GFPT1: variants seen among roughly 807,000 people sequenced by gnomAD.
GFPT1 encodes glutamine--fructose-6-phosphate aminotransferase [isomerizing] 1.
In GFPT1, 40 loss-of-function variants were observed where a neutral mutation model predicts 92.0. That is an observed-to-expected ratio of 0.43 (90% CI 0.34 to 0.57). The LOEUF is 0.57. Ranked by LOEUF, GFPT1 falls within the 20% of genes least tolerant of loss-of-function variation. The pLI is 0.02. For synonymous variants in GFPT1, 269 were observed against 280.6 expected (o/e 0.96, Z 0.41); for missense variants, 448 against 869.1 (o/e 0.52, Z 6.09).
intron 13 of GFPT1, among the ~76,000 whole-genome samples, chr2:69,339,059 C>T (rs1670871721): frequency 6.6e-6 from 1 of 152,204 alleles, no homozygotes; most frequent in South Asian, 2.1e-4. Context: ...GCTGGGATTA[C>T]AGGCATGAGC....
Position 69,356,285 on chromosome 2 carries a change from C to T in GFPT1, c.605+211G>A, listed in dbSNP as rs546385143. ...CTAGGATTACAGGTGTGAGCCACAG[C>T]GCCCGGCCTGTATTTGCTTTCTTCA... On this transcript the variant is annotated intron_variant, in intron 7 of 19. Transcript: ENST00000357308. Among the ~76,000 whole-genome samples the T allele has an allele frequency of 3.3e-5, 5 of 152,214 alleles. No homozygotes were observed. The South Asian group carries it at 8.3e-4, about 25-fold the overall frequency.
chr2:69,370,018 A>G lies in GFPT1; in HGVS notation c.206T>C (p.Leu69Pro). 6.3e-7 allele frequency: 1 copy of G among 1,584,346 alleles called. No individual in the cohort carries two copies. The highest frequency in any genetic ancestry group is 8.7e-7 in the Non-Finnish European group (1 of 1,152,866). Residue 69 changes from leucine (L) to proline (P), a missense_variant, in exon 3 of 20, where the codon CTG (leucine) becomes CCG (proline). Leu to Pro is a moderately conservative substitution (Grantham distance 98). This residue lies in a region of GFPT1 where 72 missense variants were observed against 95.1 expected (regional missense o/e 0.76). Coordinates refer to ENST00000357308, the MANE Select transcript of GFPT1 (RefSeq NM_001244710.2). ...LIKKKGKVKA[L>P]DEEVHKQQDM... ...TACGTTACTGTGAACTTCTTCATCC[A>G]GTGCCTTAACTTTTCCTTTCTTCTT...
chr2:69,326,865 A>G, intron 19 of GFPT1, 49 bp downstream of exon 19: 1 of 1,555,660 alleles, frequency 6.4e-7, no homozygotes, highest in South Asian at 1.1e-5. Context: ...ATCAGAATGT[A>G]TCCAGGTAAA....
At position 69,321,465 on chromosome 2, in the gene GFPT1, T is replaced by C. The variant is rs189919589; in HGVS notation, c.*4724A>G. The C allele has an allele frequency of 6.6e-6, 1 of 152,370 alleles. No homozygotes were observed. The highest frequency in any genetic ancestry group is 6.5e-5 in the Admixed American group (1 of 15,304). The allele number at this position is 152,370 out of a possible 1,614,324, so 9.4% of individuals were successfully genotyped here. On this transcript the variant is annotated 3_prime_UTR_variant, in exon 20 of 20. Coordinates refer to ENST00000357308, the MANE Select transcript of GFPT1 (RefSeq NM_001244710.2). ...TCTTAGTACAATACAATTTCTAACA[T>C]AACTACAAATGTGTATACACTTCAA... is the stretch of plus-strand genomic sequence containing the variant.
At chr2:69,362,062 T>G (rs765704987) in intron 4 of GFPT1, among the ~76,000 whole-genome samples, 1 of 152,218 alleles carries the variant, frequency 6.6e-6, no homozygotes, top group Non-Finnish European at 1.5e-5. Context: ...TGCTTATTTT[T>G]TTTAAATGAA....
At chr2:69,336,352 AAAAAG>A (rs1213717456) in intron 15 of GFPT1, among the ~76,000 whole-genome samples, 4 of 149,830 alleles carry the variant, frequency 2.7e-5, no homozygotes, top group Non-Finnish European at 3.0e-5. Flanking sequence ...AAAAAAAAAA[AAAAAG>A]AAAAAGAAAA....
intron 3 of GFPT1, among the ~76,000 whole-genome samples, chr2:69,366,395 C>T (rs762339113): frequency 3.9e-5 from 6 of 152,122 alleles, no homozygotes; most frequent in Non-Finnish European, 7.4e-5. Flanking sequence ...TTGTCTGTTA[C>T]CCATTTTAAA....
In GFPT1 at chr2:69,326,096, T is replaced by A; in HGVS notation, c.*93A>T. 1.3e-6 allele frequency: 1 copy of A among 784,178 alleles called. No homozygotes were observed. The allele number at this position is 784,178 out of a possible 1,614,324, so 48.6% of individuals were successfully genotyped here. On this transcript the variant is annotated 3_prime_UTR_variant, in exon 20 of 20. Transcript: ENST00000357308. ...AATAAGGATTTACTAAAAAAAGGCT[T>A]CAAGGGGTGATATTTTAAATCAAGG...
intron 15 of GFPT1, among the ~76,000 whole-genome samples, chr2:69,330,536 T>C (rs1361406300): frequency 8.0e-5 from 12 of 150,484 alleles, no homozygotes; most frequent in African/African-American, 2.0e-4. Context: ...CCTTTGCCTA[T>C]TGCCTGTTCC....
chr2:69,354,279 C>T lies in GFPT1; in HGVS notation c.719G>A (p.Trp240Ter), dbSNP rs1574066341. The T allele has an allele frequency of 1.3e-6, 2 of 1,592,024 alleles. No homozygotes were observed. Among genetic ancestry groups the T allele is most frequent in the African/African-American group, 1.3e-5 (1 of 74,788 alleles). ...RTQIGSKFTR[W>*]GSQGERGKDK... ...CCCACCTCTTTCTCCCTGTGATCCC[C>T]ACCGTGTGAATTTTGATCCAATCTG... The change falls in exon 9 of 20, where the codon TGG becomes TAG. Residue 240 changes from tryptophan (W) to a stop codon, truncating the protein, a stop_gained. Coordinates refer to ENST00000357308, the MANE Select transcript of GFPT1 (RefSeq NM_001244710.2). LOFTEE classifies it high-confidence loss of function.
chr2:69,373,078 G>T (rs564054446), intron 2 of GFPT1, among the ~76,000 whole-genome samples: 20 of 152,208 alleles, frequency 1.3e-4, no homozygotes, highest in Non-Finnish European at 2.4e-4. Context: ...TGATCCACTG[G>T]TGAGCAGCTT....
chr2:69,368,024 G>C (rs1671651903), intron 3 of GFPT1, among the ~76,000 whole-genome samples: 1 of 152,218 alleles, frequency 6.6e-6, no homozygotes. Context: ...CAAAGAGGGT[G>C]GATCGCCTGA....
chr2:69,355,365 ACCACG>A (rs1410811810), intron 7 of GFPT1, among the ~76,000 whole-genome samples: 1 of 151,870 alleles, frequency 6.6e-6, no homozygotes, highest in Non-Finnish European at 1.5e-5. Flanking sequence ...GGCATGAGTC[ACCACG>A]CCCAGCCTAA....
At chr2:69,347,197 C>G (rs1345146284) in intron 11 of GFPT1, among the ~76,000 whole-genome samples, 1 of 151,522 alleles carries the variant, frequency 6.6e-6, no homozygotes, top group Admixed American at 6.6e-5. Flanking sequence ...AGGTGTGAGC[C>G]AGTGCACCTG....
intron 9 of GFPT1, among the ~76,000 whole-genome samples, chr2:69,350,905 C>CA (rs796406578): frequency 0.014 from 1,084 of 78,182 alleles, 10 homozygotes; most frequent in Admixed American, 0.025. Flanking sequence ...AACTCTGTCT[C>CA]AAAAAAAAAA....
At chr2:69,337,134 G>A (rs867629778) in intron 15 of GFPT1, among the ~76,000 whole-genome samples, 9 of 140,086 alleles carry the variant, frequency 6.4e-5, no homozygotes, top group African/African-American at 1.4e-4. Context: ...GCACAATCTC[G>A]CTTCACTGCA....
chr2:69,337,743 T>C (rs1166697020), intron 15 of GFPT1, among the ~76,000 whole-genome samples, 155 bp downstream of exon 15: 1 of 152,200 alleles, frequency 6.6e-6, no homozygotes, highest in Non-Finnish European at 1.5e-5. Flanking sequence ...TTACAATGAT[T>C]AGTAAAATGT....
intron 17 of GFPT1, 102 bp from the exon 18 acceptor site, chr2:69,328,540 T>C (rs1670585236): frequency 1.3e-6 from 1 of 770,750 alleles, no homozygotes; most frequent in South Asian, 1.5e-5. Flanking sequence ...ACTGTCTATC[T>C]ATCCAAAAGT....
chr2:69,362,341 G>C (rs1459105740), intron 4 of GFPT1, among the ~76,000 whole-genome samples: 1 of 152,052 alleles, frequency 6.6e-6, no homozygotes, highest in Non-Finnish European at 1.5e-5. Flanking sequence ...TGCTCAGGCT[G>C]GTCTCAAACT....
Sources: gnomAD v4.1 joint callset for allele counts (sites outside exome capture counted in the v4.1 genomes callset) on GRCh38, gnomAD v4.1.1 for gene constraint, gnomAD v4.1.1 regional missense constraint, MANE v1.5 for transcripts, NCBI Gene and HGNC (gene_info 2026-07-23, HGNC 2026-07-21) for gene names.